POU3F3: variants seen among roughly 807,000 people sequenced by gnomAD.
POU3F3 encodes POU domain, class 3, transcription factor 3.
In POU3F3, 1 loss-of-function variant was observed where a neutral mutation model predicts 8.6. The ratio of observed to expected loss-of-function variants is 0.12; its 90% CI spans 0.04 to 0.55. The LOEUF (loss-of-function observed/expected upper bound fraction) is 0.55. Among genes scored for constraint, POU3F3 ranks in the 20% least tolerant of loss-of-function variants. The pLI is 0.91. For synonymous variants in POU3F3, 418 were observed against 327.4 expected, an observed-to-expected ratio of 1.28 and a Z score of -2.99; for missense variants, 577 against 690.7, an observed-to-expected ratio of 0.84 and a Z score of 1.84.
the POU3F3 span, among the ~76,000 whole-genome samples, chr2:104,871,389 G>A: frequency 6.6e-6 from 1 of 152,032 alleles, no homozygotes; most frequent in Non-Finnish European, 1.5e-5. Context: ...GAAGGAGTGC[G>A]GTAAAAATAT....
chr2:104,922,409 A>AG, the POU3F3 span, among the ~76,000 whole-genome samples: 2 of 151,420 alleles, frequency 1.3e-5, no homozygotes, highest in South Asian at 2.1e-4. Flanking sequence ...AAAAAAAAAA[A>AG]AAAGAAAGGA....
downstream of POU3F3, among the ~76,000 whole-genome samples, chr2:104,858,738 A>T (rs1023263750): frequency 2.0e-5 from 3 of 152,256 alleles, no homozygotes; most frequent in Admixed American, 2.0e-4. Context: ...TTGCTGAGAC[A>T]GCTAGTATTT....
chr2:104,886,332 G>A, the POU3F3 span, among the ~76,000 whole-genome samples: 2 of 152,102 alleles, frequency 1.3e-5, no homozygotes, highest in Non-Finnish European at 1.5e-5. Context: ...TTGGATATAC[G>A]TAGGTAAACT....
the POU3F3 span, among the ~76,000 whole-genome samples, chr2:104,881,281 C>G: frequency 6.6e-6 from 1 of 152,072 alleles, no homozygotes; most frequent in South Asian, 2.1e-4. Flanking sequence ...CCTCCACCCC[C>G]TCAGTGACTG....
the POU3F3 span, among the ~76,000 whole-genome samples, chr2:104,887,608 G>A: frequency 1.3e-5 from 2 of 152,164 alleles, no homozygotes; most frequent in Non-Finnish European, 1.5e-5. Flanking sequence ...CACATGGATG[G>A]AATGGTTCTA....
At chr2:104,872,248 G>C in the POU3F3 span, 1 of 456,586 alleles carries the variant, frequency 2.2e-6, no homozygotes, top group Non-Finnish European at 4.4e-6. The surrounding 1 kb of genome is among the most constrained non-coding windows in gnomAD (Gnocchi z 4.6). Flanking sequence ...GGACTCACCC[G>C]GCACGGTCCT....
Position 104,856,770 on chromosome 2 carries a change from G to T in POU3F3, c.1260G>T (p.Ala420=), listed in dbSNP as rs1197763743. ...RTSIEVSVKG[A]LESHFLKCPK... Reference sequence around the variant, plus strand: ...CTATCGAGGTGAGCGTCAAGGGCGCGCTGGAGAGCCACTTCCTCAAGTGCC... The same window carrying T: ...CTATCGAGGTGAGCGTCAAGGGCGCTCTGGAGAGCCACTTCCTCAAGTGCC... The change falls in exon 1 of 1, where the codon GCG becomes GCT. Residue 420 remains alanine, a synonymous_variant. Transcript: ENST00000361360. 1.2e-6 allele frequency: 2 copies of T among 1,614,108 alleles called. No individual in the cohort carries two copies. Among genetic ancestry groups the T allele is most frequent in the Non-Finnish European group, 8.5e-7 (1 of 1,180,024 alleles).
chr2:104,883,589 C>G, the POU3F3 span, among the ~76,000 whole-genome samples: 5 of 152,168 alleles, frequency 3.3e-5, no homozygotes, highest in Admixed American at 6.5e-5. Flanking sequence ...CCATTCTCAT[C>G]CCATTTCTCT....
the POU3F3 span, among the ~76,000 whole-genome samples, chr2:104,884,863 G>A: frequency 6.6e-6 from 1 of 152,166 alleles, no homozygotes; most frequent in Non-Finnish European, 1.5e-5. Flanking sequence ...CAAATAAGGA[G>A]AGAAGGAGAG....
Position 104,856,364 on chromosome 2 carries a change from C to T in POU3F3, c.854C>T (p.Pro285Leu), listed in dbSNP as rs1467220444. The T allele has an allele frequency of 1.4e-5, 21 of 1,533,338 alleles. No individual in the cohort carries two copies. Among genetic ancestry groups the T allele is most frequent in the Non-Finnish European group, 1.7e-5 (20 of 1,143,788 alleles). The allele number at this position is 1,533,338 out of a possible 1,614,324, so 95.0% of individuals were successfully genotyped here. The change falls in exon 1 of 1, where the codon CCG becomes CTG. Residue 285 changes from proline to leucine, a missense_variant. By Grantham distance (98) the Pro-to-Leu change is moderately conservative. This residue lies in a region of POU3F3 where 484 missense variants were observed against 422.6 expected (regional missense o/e 1.15). Coordinates refer to ENST00000361360, the MANE Select transcript of POU3F3 (RefSeq NM_006236.3). ...CACGCGCATCCTCACCCGCCGCACC[C>T]GCACCACGCGCAGGGACCCCCGCAC... ...HHHAHPHPPH[P>L]HHAQGPPHHG... is the part of the protein sequence containing the mutation.
chr2:104,898,364 G>A, the POU3F3 span, among the ~76,000 whole-genome samples: 5 of 152,060 alleles, frequency 3.3e-5, no homozygotes, highest in East Asian at 3.8e-4. Flanking sequence ...ATGAAGATAC[G>A]TTTTCCTGGG....
the POU3F3 span, among the ~76,000 whole-genome samples, chr2:104,909,040 G>A: frequency 4.6e-5 from 7 of 152,112 alleles, no homozygotes; most frequent in Non-Finnish European, 1.0e-4. Context: ...GGTTTCACAC[G>A]TGATAGTAAT....
chr2:104,900,447 C>T, the POU3F3 span, among the ~76,000 whole-genome samples: 1 of 152,206 alleles, frequency 6.6e-6, no homozygotes, highest in Admixed American at 6.5e-5. Context: ...CAGTTTCCCC[C>T]TAACTTAAGT....
At chr2:104,868,511 A>T in the POU3F3 span, 2 of 376,390 alleles carry the variant, frequency 5.3e-6, no homozygotes, top group Non-Finnish European at 1.1e-5. Context: ...CAGACCTCCA[A>T]CTTCCAGCTG....
the POU3F3 span, among the ~76,000 whole-genome samples, chr2:104,891,351 G>C: frequency 6.6e-6 from 1 of 151,428 alleles, no homozygotes; most frequent in African/African-American, 2.4e-5. Flanking sequence ...TAATATTTTA[G>C]TATATTAAAA....
At chr2:104,898,434 C>A in the POU3F3 span, among the ~76,000 whole-genome samples, 1 of 152,126 alleles carries the variant, frequency 6.6e-6, no homozygotes, top group Non-Finnish European at 1.5e-5. Flanking sequence ...TAAAATAAGT[C>A]TTCAAACCAG....
At chr2:104,889,485 C>T in the POU3F3 span, among the ~76,000 whole-genome samples, 2 of 152,168 alleles carry the variant, frequency 1.3e-5, no homozygotes, top group South Asian at 4.1e-4. Flanking sequence ...GCAGGTTCTG[C>T]CACGGAGCCC....
the POU3F3 span, among the ~76,000 whole-genome samples, chr2:104,902,403 G>A: frequency 7.2e-5 from 11 of 152,258 alleles, no homozygotes; most frequent in South Asian, 2.1e-4. Flanking sequence ...CTCAGCTCCC[G>A]AGACTCGGGG....
At chr2:104,898,879 T>A in the POU3F3 span, among the ~76,000 whole-genome samples, 6 of 152,316 alleles carry the variant, frequency 3.9e-5, no homozygotes, top group South Asian at 1.2e-3. Flanking sequence ...ATCAACATTT[T>A]TTTTACCTGT....
Sources: gnomAD v4.1 joint callset for allele counts (sites outside exome capture counted in the v4.1 genomes callset) on GRCh38, gnomAD v4.1.1 for gene constraint, gnomAD v4.1.1 regional missense constraint, Gnocchi (gnomAD v3.1) non-coding constraint, MANE v1.5 for transcripts, NCBI Gene and HGNC (gene_info 2026-07-23, HGNC 2026-07-21) for gene names.